The following PRKCA variants were observed in gnomAD, a reference collection of about 807,000 sequenced individuals.
The protein encoded by PRKCA is protein kinase C alpha, also known as protein kinase C alpha type.
A neutral mutation model predicts 87.0 loss-of-function variants in PRKCA; 27 were observed. The observed-to-expected ratio is 0.31, with a 90% CI of 0.23 to 0.43. The LOEUF is 0.43. PRKCA is among the 20% of genes least tolerant of loss of function. The pLI is 1.00. For missense variants in PRKCA, 518 were observed against 852.3 expected (o/e 0.61, Z 4.88); for synonymous variants, 329 against 311.1 (o/e 1.06, Z -0.61).
intron 2 of PRKCA, among the ~76,000 whole-genome samples, chr17:66,453,819 G>C (rs969615842): frequency 2.6e-5 from 4 of 152,130 alleles, no homozygotes; most frequent in African/African-American, 9.7e-5. Context: ...TATTTTTTAA[G>C]GTTTTAAGTG....
chr17:66,483,714 G>A (rs929437019), intron 2 of PRKCA, among the ~76,000 whole-genome samples: 12 of 151,992 alleles, frequency 7.9e-5, no homozygotes, highest in South Asian at 2.1e-4. Context: ...ACCCGCCTTG[G>A]CCTCCAAAGT....
chr17:66,576,827 T>TTTCTG (rs1228387939), intron 3 of PRKCA, among the ~76,000 whole-genome samples: 1 of 152,042 alleles, frequency 6.6e-6, no homozygotes, highest in Non-Finnish European at 1.5e-5. Flanking sequence ...CTGTCTCTCA[T>TTTCTG]TTCTGTTCTC....
At chr17:66,768,191 G>A (rs894863070) in intron 13 of PRKCA, among the ~76,000 whole-genome samples, 8 of 150,816 alleles carry the variant, frequency 5.3e-5, no homozygotes, top group Admixed American at 6.6e-5. Context: ...TGATCCGCCC[G>A]CCTGGGCCGC....
intron 2 of PRKCA, among the ~76,000 whole-genome samples, chr17:66,312,062 A>G (rs565776762): frequency 6.6e-6 from 1 of 152,072 alleles, no homozygotes; most frequent in Non-Finnish European, 1.5e-5. Flanking sequence ...GCTCACTGCA[A>G]CCTCTGCCTC....
At chr17:66,556,064 G>T (rs1016516026) in intron 3 of PRKCA, among the ~76,000 whole-genome samples, 1 of 151,966 alleles carries the variant, frequency 6.6e-6, no homozygotes, top group African/African-American at 2.4e-5. Context: ...CTGGATGGGC[G>T]AGCCAGCCAT....
At chr17:66,727,990 T>C (rs1445114146) in intron 8 of PRKCA, among the ~76,000 whole-genome samples, 1 of 152,208 alleles carries the variant, frequency 6.6e-6, no homozygotes, top group Non-Finnish European at 1.5e-5. Flanking sequence ...AGACCCAGAC[T>C]GAAAGTGGGA....
chr17:66,345,553 C>A (rs1218496268), intron 2 of PRKCA, among the ~76,000 whole-genome samples: 1 of 152,176 alleles, frequency 6.6e-6, no homozygotes, highest in Non-Finnish European at 1.5e-5. Context: ...TCACAAAGTG[C>A]TGGAAGCTGG....
intron 3 of PRKCA, among the ~76,000 whole-genome samples, chr17:66,556,323 C>CTTTT (rs61549626): frequency 0.02 from 2,599 of 128,810 alleles, 91 homozygotes; most frequent in East Asian, 0.15. Context: ...CTTTCTTCTT[C>CTTTT]TTTTTTTTTT....
chr17:66,780,462 G>A (rs1975177488), intron 14 of PRKCA, among the ~76,000 whole-genome samples: 1 of 152,192 alleles, frequency 6.6e-6, no homozygotes, highest in African/African-American at 2.4e-5. Flanking sequence ...GGATCACGAG[G>A]TCAGGAGTTT....
At chr17:66,550,853 G>T (rs1968305272) in intron 3 of PRKCA, among the ~76,000 whole-genome samples, 1 of 152,170 alleles carries the variant, frequency 6.6e-6, no homozygotes, top group South Asian at 2.1e-4. Context: ...GCTGTATTCT[G>T]TTGAGCATGT....
intron 4 of PRKCA, among the ~76,000 whole-genome samples, chr17:66,643,750 C>T (rs12450524): frequency 0.053 from 8,074 of 152,280 alleles, 289 homozygotes; most frequent in Admixed American, 0.077. Context: ...CCCTACTGAC[C>T]TTAACTTCTG....
chr17:66,660,564 T>C (rs1439335881), intron 5 of PRKCA, among the ~76,000 whole-genome samples: 2 of 151,984 alleles, frequency 1.3e-5, no homozygotes, highest in African/African-American at 4.8e-5. Context: ...GCTCAGGGAA[T>C]ATGGCTACTA....
At chr17:66,641,545 TA>T (rs2143800819) in intron 4 of PRKCA, 79 bp downstream of exon 4, 1 of 994,196 alleles carries the variant, frequency 1.0e-6, no homozygotes, top group East Asian at 2.5e-5. Flanking sequence ...GAAGGCTCAG[TA>T]ACTTTTCAAC....
In PRKCA at chr17:66,302,842, G is replaced by T. The variant is rs1904580081; in HGVS notation, c.-10G>T. ...TCCCCGGCGGAGGCAAGAGGTGGTT[G>T]GGGGGGACCATGGCTGACGTTTTCC... is the stretch of plus-strand genomic sequence containing the variant. On this transcript the variant is annotated 5_prime_UTR_variant, in exon 1 of 17. Coordinates refer to ENST00000413366, the MANE Select transcript of PRKCA (RefSeq NM_002737.3). 3.9e-6 allele frequency: 6 copies of T among 1,528,448 alleles called. No homozygotes were observed. Among genetic ancestry groups the T allele is most frequent in the Non-Finnish European group, 5.3e-6 (6 of 1,137,942 alleles). 94.7% of individuals were successfully genotyped at this position (1,528,448 alleles called of 1,614,324 possible).
At chr17:66,357,357 A>G (rs1046805028) in intron 2 of PRKCA, among the ~76,000 whole-genome samples, 9 of 152,196 alleles carry the variant, frequency 5.9e-5, no homozygotes, top group Non-Finnish European at 1.2e-4. Flanking sequence ...AATGAGCTGT[A>G]GATACAAAGC....
chr17:66,514,185 T>C (rs1225987107), intron 3 of PRKCA, among the ~76,000 whole-genome samples: 1 of 152,174 alleles, frequency 6.6e-6, no homozygotes, highest in Non-Finnish European at 1.5e-5. Context: ...AAACATAGTA[T>C]ATATAGGGTT....
In PRKCA at chr17:66,355,684, C is replaced by A. The variant is rs1002798630; in HGVS notation, c.205+49557C>A. On this transcript the variant is annotated intron_variant, in intron 2 of 16. Coordinates refer to ENST00000413366, the MANE Select transcript of PRKCA (RefSeq NM_002737.3). ...GGAAGATTTTTGCACAATGAACCTG[C>A]CCATTGCTGGTTTATTCATAACAGC... Among the ~76,000 whole-genome samples the A allele has an allele frequency of 3.9e-5, 6 of 152,212 alleles. No homozygotes were observed. The South Asian group carries it at 1.2e-3, about 32-fold the overall frequency.
intron 2 of PRKCA, among the ~76,000 whole-genome samples, chr17:66,437,735 C>CG (rs1233106338): frequency 1.6e-3 from 9 of 5,604 alleles, no homozygotes; most frequent in East Asian, 5.5e-3. Context: ...TTTTTTTGAG[C>CG]GGGGGGTGGG....
chr17:66,512,829 A>G (rs929759280), intron 3 of PRKCA, among the ~76,000 whole-genome samples: 2 of 152,010 alleles, frequency 1.3e-5, no homozygotes, highest in Non-Finnish European at 2.9e-5. Context: ...AGTGGCTGGG[A>G]TTATAGGCGT....
Sources: gnomAD v4.1 joint callset for allele counts (sites outside exome capture counted in the v4.1 genomes callset) on GRCh38, gnomAD v4.1.1 for gene constraint, MANE v1.5 for transcripts, NCBI Gene and HGNC (gene_info 2026-07-23, HGNC 2026-07-21) for gene names.